LPP: variants seen among roughly 807,000 people sequenced by gnomAD.
LPP encodes the protein LIM domain containing preferred translocation partner in lipoma, also known as lipoma-preferred partner.
A neutral mutation model predicts 60.4 loss-of-function variants in LPP; 38 were observed. The observed-to-expected ratio is 0.63, with a 90% CI of 0.49 to 0.83. The LOEUF (loss-of-function observed/expected upper bound fraction) is 0.83. LPP is among the 40% of genes least tolerant of loss of function. The pLI, the probability that LPP is intolerant of heterozygous loss-of-function variation, is 0.00. For synonymous variants in LPP, 328 were observed against 290.8 expected (o/e 1.13, Z -1.30); for missense variants, 902 against 783.6 (o/e 1.15, Z -1.80).
intron 2 of LPP, among the ~76,000 whole-genome samples, chr3:188,285,391 A>G (rs1743593232): frequency 6.6e-6 from 1 of 152,002 alleles, no homozygotes; most frequent in African/African-American, 2.4e-5. Context: ...CTTGGATAGT[A>G]TGGTTACTGA....
intron 5 of LPP, among the ~76,000 whole-genome samples, chr3:188,494,409 T>A (rs1046127882): frequency 2.6e-5 from 4 of 152,236 alleles, no homozygotes; most frequent in Non-Finnish European, 4.4e-5. Flanking sequence ...AATGACACAC[T>A]GTCACCAGCG....
intron 1 of LPP, among the ~76,000 whole-genome samples, chr3:188,198,373 G>A (rs1188904455): frequency 6.6e-6 from 1 of 152,230 alleles, no homozygotes; most frequent in African/African-American, 2.4e-5. Flanking sequence ...TACCTGCTGT[G>A]TATAAGGGCC....
chr3:188,309,086 A>G (rs1309372560), intron 2 of LPP, among the ~76,000 whole-genome samples: 1 of 138,748 alleles, frequency 7.2e-6, no homozygotes, highest in African/African-American at 2.7e-5. Flanking sequence ...TAGTGGTGCA[A>G]TCCCTGCTCC....
intron 4 of LPP, among the ~76,000 whole-genome samples, chr3:188,462,634 G>A: frequency 1.7e-5 from 1 of 59,560 alleles, no homozygotes; most frequent in South Asian, 5.2e-4. Flanking sequence ...GTGTGTGTGT[G>A]TTACTTTTTT....
intron 5 of LPP, among the ~76,000 whole-genome samples, chr3:188,499,655 G>A (rs1811249103): frequency 6.6e-6 from 1 of 151,930 alleles, no homozygotes; most frequent in Admixed American, 6.6e-5. Context: ...AATGTCACTG[G>A]GATTTTGATC....
intron 2 of LPP, among the ~76,000 whole-genome samples, chr3:188,294,135 A>G (rs1255247965): frequency 6.7e-6 from 1 of 150,026 alleles, no homozygotes. Context: ...TGAAAAGCCC[A>G]CAATAGGCAA....
chr3:188,387,808 A>C (rs957944704), intron 3 of LPP, among the ~76,000 whole-genome samples: 1 of 151,726 alleles, frequency 6.6e-6, no homozygotes, highest in Non-Finnish European at 1.5e-5. Flanking sequence ...CTGGTAATTC[A>C]CCTGCCTTGG....
At chr3:188,745,087 C>G (rs1234097295) in intron 8 of LPP, among the ~76,000 whole-genome samples, 1 of 152,096 alleles carries the variant, frequency 6.6e-6, no homozygotes, top group Admixed American at 6.6e-5. Flanking sequence ...CATCCCTCCC[C>G]CAATTTGAGC....
chr3:188,609,894 G>GC lies in LPP; in HGVS notation c.1113+50_1113+51insC. On this transcript the variant is annotated intron_variant, in intron 7 of 11. Coordinates refer to ENST00000617246, the MANE Select transcript of LPP (RefSeq NM_001375462.1). The surrounding 1 kb of genome is among the most constrained non-coding windows in gnomAD (Gnocchi z 6.9). The stretch of plus-strand genomic sequence containing the variant: ...GGAGAATACAGGGGTGCCTATCTTA[G>GC]TCTGCCTTCCCCAGGAAGCGAAGCC... The GC allele has an allele frequency of 6.5e-7, 1 of 1,532,754 alleles. No individual in the cohort carries two copies. The allele number at this position is 1,532,754 out of a possible 1,614,324, so 94.9% of individuals were successfully genotyped here. A position where few individuals can be genotyped will look rare whatever the true frequency, so the allele number is the denominator to read the frequency against.
At chr3:188,764,996 C>T (rs1207788970) in intron 9 of LPP, among the ~76,000 whole-genome samples, 1 of 152,170 alleles carries the variant, frequency 6.6e-6, no homozygotes, top group Non-Finnish European at 1.5e-5. Flanking sequence ...CAGCCTTTTG[C>T]TCCCTTATGT....
intron 8 of LPP, chr3:188,725,632 C>G (rs1156295376): frequency 6.6e-6 from 1 of 152,166 alleles, no homozygotes; most frequent in Admixed American, 6.5e-5. Context: ...TTCTTTGTTT[C>G]TCCATTTATT....
intron 9 of LPP, among the ~76,000 whole-genome samples, chr3:188,824,027 G>A (rs969083345): frequency 6.6e-6 from 1 of 152,086 alleles, no homozygotes; most frequent in Admixed American, 6.6e-5. Flanking sequence ...TAATCCATTT[G>A]TCTCATACTT....
chr3:188,656,652 G>T (rs941433876), intron 7 of LPP, among the ~76,000 whole-genome samples: 6 of 152,178 alleles, frequency 3.9e-5, no homozygotes, highest in Admixed American at 3.3e-4. Flanking sequence ...AATCTGGAGG[G>T]ATTTGGGAGT....
chr3:188,721,730 C>G (rs999426572), intron 8 of LPP, among the ~76,000 whole-genome samples: 11 of 151,988 alleles, frequency 7.2e-5, no homozygotes, highest in African/African-American at 2.7e-4. Flanking sequence ...TTTCTTTTTT[C>G]TTTTGCATGC....
chr3:188,433,993 T>C (rs954492820), intron 4 of LPP, among the ~76,000 whole-genome samples: 1 of 152,138 alleles, frequency 6.6e-6, no homozygotes, highest in Non-Finnish European at 1.5e-5. Flanking sequence ...GTAGTATAAC[T>C]TCATCGTGTC....
chr3:188,570,223 A>C (rs542058501), intron 6 of LPP, among the ~76,000 whole-genome samples: 74 of 152,122 alleles, frequency 4.9e-4, no homozygotes, highest in Admixed American at 4.8e-3. Context: ...CTGAGACCCT[A>C]CCCTGGAGTT....
At position 188,173,696 on chromosome 3, in the gene LPP, A is replaced by G. The variant is rs887006350; in HGVS notation, c.-190+19444A>G. Among the ~76,000 whole-genome samples, 4 of 152,274 alleles carry G rather than the reference A, an allele frequency of 2.6e-5. No individual in the cohort carries two copies. In the East Asian group the frequency reaches 7.7e-4, roughly 29 times the overall value. ...TTTCTTCCCCTGATTTATCTCCCTG[A>G]AGGGCTCCAGCAAAGCAGGGCTTAA... is the stretch of plus-strand genomic sequence containing the variant. On this transcript the variant is annotated intron_variant, in intron 1 of 11. Coordinates refer to ENST00000617246, the MANE Select transcript of LPP (RefSeq NM_001375462.1).
At chr3:188,790,770 A>C (rs1743423328) in intron 9 of LPP, among the ~76,000 whole-genome samples, 1 of 151,810 alleles carries the variant, frequency 6.6e-6, no homozygotes, top group Non-Finnish European at 1.5e-5. Context: ...GCAGTGAGCC[A>C]AGATCATGCC....
intron 2 of LPP, among the ~76,000 whole-genome samples, chr3:188,286,030 C>A (rs1189422874): frequency 6.6e-6 from 1 of 152,112 alleles, no homozygotes; most frequent in Non-Finnish European, 1.5e-5. Context: ...CTTGAAAAGA[C>A]CCACTTATAT....
Sources: gnomAD v4.1 joint callset for allele counts (sites outside exome capture counted in the v4.1 genomes callset) on GRCh38, gnomAD v4.1.1 for gene constraint, Gnocchi (gnomAD v3.1) non-coding constraint, MANE v1.5 for transcripts, NCBI Gene and HGNC (gene_info 2026-07-23, HGNC 2026-07-21) for gene names.